FAH: variants seen among roughly 807,000 people sequenced by gnomAD.
FAH encodes fumarylacetoacetate hydrolase.
In FAH, 47 loss-of-function variants were observed where a neutral mutation model predicts 55.8. That is an observed-to-expected ratio of 0.84 (90% CI 0.67 to 1.07). The LOEUF is 1.07. Ranked by LOEUF, FAH falls within the 50% of genes least tolerant of loss-of-function variation. FAH has a pLI of 0.00. For missense variants in FAH, 495 were observed against 545.9 expected (o/e 0.91, Z 0.93); for synonymous variants, 199 against 207.7 (o/e 0.96, Z 0.36).
In FAH at chr15:80,180,123, G is replaced by A; in HGVS notation, c.961-1G>A. 2 of 1,606,388 alleles carry A rather than the reference G, an allele frequency of 1.2e-6. No homozygotes were observed. The highest frequency in any genetic ancestry group is 1.7e-6 in the Non-Finnish European group (2 of 1,177,338). On this transcript the variant is annotated splice_acceptor_variant, in intron 11 of 13. Transcript: ENST00000561421. LOFTEE classifies it high-confidence loss of function. ...TTCCACCTCGCGTCCATTGCCTGCA[G>A]TACATGTACTGGACGATGCTGCAGC...
At chr15:80,185,772 A>T (rs375294421) in intron 13 of FAH, among the ~76,000 whole-genome samples, 272 of 152,288 alleles carry the variant, frequency 1.8e-3, no homozygotes, top group African/African-American at 6.1e-3. Context: ...TGATTCAATT[A>T]TCTCCCACTG....
intron 13 of FAH, among the ~76,000 whole-genome samples, chr15:80,185,272 G>A (rs1025998866): frequency 1.3e-5 from 2 of 152,190 alleles, no homozygotes; most frequent in Non-Finnish European, 2.9e-5. Context: ...GGGACTGGAG[G>A]CTGTTCTCAG....
At position 80,167,084 on chromosome 15, in the gene FAH, C is replaced by G. The variant is rs368483000; in HGVS notation, c.456-968C>G. ...TTTTTTTTTCTAGTGCCTGTAATAG[C>G]CTTTGTTTGTACATTTAGATCTTGA... On this transcript the variant is annotated intron_variant, in intron 5 of 13. Coordinates refer to ENST00000561421, the MANE Select transcript of FAH (RefSeq NM_000137.4). 8 of 151,390 alleles carry G rather than the reference C, an allele frequency of 5.3e-5. No individual in the cohort carries two copies. In the East Asian group the frequency reaches 1.4e-3, roughly 26 times the overall value. The allele number at this position is 151,390 out of a possible 1,614,324, so 9.4% of individuals were successfully genotyped here. A position where few individuals can be genotyped will look rare whatever the true frequency, so the allele number is the denominator to read the frequency against.
intron 5 of FAH, chr15:80,167,239 C>G (rs2041199445): frequency 6.6e-6 from 1 of 152,172 alleles, no homozygotes; most frequent in African/African-American, 2.4e-5. Context: ...AATCTGCAAT[C>G]AAGGTGTCAG....
intron 13 of FAH, among the ~76,000 whole-genome samples, chr15:80,185,186 G>C (rs1363141292): frequency 6.6e-6 from 1 of 152,216 alleles, no homozygotes; most frequent in African/African-American, 2.4e-5. Flanking sequence ...GGTGAGTTCT[G>C]AAGTCAAACA....
chr15:80,171,098 TTTA>T (rs2041236635), intron 7 of FAH, among the ~76,000 whole-genome samples: 1 of 151,668 alleles, frequency 6.6e-6, no homozygotes, highest in Admixed American at 6.6e-5. Flanking sequence ...ATTTTTAAAT[TTTA>T]TTATTATTAT....
intron 7 of FAH, among the ~76,000 whole-genome samples, chr15:80,171,021 A>T (rs193179402): frequency 1.3e-5 from 2 of 152,112 alleles, no homozygotes; most frequent in African/African-American, 4.8e-5. Context: ...TATTTGCTGC[A>T]TGAAGGAGGC....
In FAH at chr15:80,154,444, T is replaced by C. The variant is rs533953972; in HGVS notation, c.81+1309T>C. Among the ~76,000 whole-genome samples the C allele has an allele frequency of 3.1e-4, 47 of 152,362 alleles. 1 individual carries two copies. The highest frequency in any genetic ancestry group is 1.1e-3 in the African/African-American group (45 of 41,592). ...GTCCCGCTGTTTCAACATCAGAATG[T>C]GCAGGGCAGCCACTACAGATGTCTG... On this transcript the variant is annotated intron_variant, in intron 1 of 13. Coordinates refer to ENST00000561421, the MANE Select transcript of FAH (RefSeq NM_000137.4).
At position 80,173,065 on chromosome 15, in the gene FAH, A is replaced by G; in HGVS notation, c.758A>G (p.Lys253Arg). The G allele has an allele frequency of 1.2e-6, 2 of 1,613,960 alleles. No homozygotes were observed. Among genetic ancestry groups the G allele is most frequent in the Non-Finnish European group, 1.7e-6 (2 of 1,179,798 alleles). Residue 253 changes from lysine to arginine, a missense_variant, in exon 9 of 14, where the codon AAG becomes AGG. Coordinates refer to ENST00000561421, the MANE Select transcript of FAH (RefSeq NM_000137.4). ...GTCCCTCTCGGGCCATTCCTTGGGA[A>G]GAGTTTTGGGACCACTGTCTCTCCG... is the stretch of plus-strand genomic sequence containing the variant. ...EYVPLGPFLG[K>R]SFGTTVSPWV...
chr15:80,180,600 C>T (rs560583567), intron 12 of FAH, among the ~76,000 whole-genome samples: 18 of 152,286 alleles, frequency 1.2e-4, no homozygotes, highest in Middle Eastern at 3.4e-3. Context: ...TGTAAGCCTG[C>T]GGGAGTCACA....
chr15:80,156,954 G>A (rs1005604634), intron 1 of FAH: 1 of 152,424 alleles, frequency 6.6e-6, no homozygotes, highest in African/African-American at 2.4e-5. Flanking sequence ...CTGGGGTGTG[G>A]GGACCAGGGT....
intron 1 of FAH, among the ~76,000 whole-genome samples, chr15:80,154,656 C>T (rs2041083043): frequency 6.6e-6 from 1 of 152,256 alleles, no homozygotes; most frequent in South Asian, 2.1e-4. Context: ...CCCATGTCAG[C>T]AGTCAGCCTT....
intron 11 of FAH, among the ~76,000 whole-genome samples, chr15:80,179,535 G>A (rs992703426): frequency 2.6e-4 from 40 of 152,268 alleles, no homozygotes; most frequent in African/African-American, 7.5e-4. Context: ...GCATCTGAGC[G>A]TCTCGGTGGG....
chr15:80,170,417 C>T (rs1327986834), intron 7 of FAH, among the ~76,000 whole-genome samples: 1 of 152,144 alleles, frequency 6.6e-6, no homozygotes, highest in Non-Finnish European at 1.5e-5. Context: ...CCCTGTCTCT[C>T]CTGGGCTTCC....
At chr15:80,174,873 C>T in intron 9 of FAH, 143 bp from the exon 10 acceptor site, 2 of 726,968 alleles carry the variant, frequency 2.8e-6, no homozygotes. Context: ...AGTGCTGGGT[C>T]CCTGGAGAGG....
At chr15:80,155,529 G>A (rs957093111) in intron 1 of FAH, among the ~76,000 whole-genome samples, 1 of 152,138 alleles carries the variant, frequency 6.6e-6, no homozygotes, top group African/African-American at 2.4e-5. Flanking sequence ...AATCTGTAAG[G>A]TCCAGCCCTA....
intron 12 of FAH, 41 bp downstream of exon 12, chr15:80,180,266 T>C (rs2142107936): frequency 6.6e-7 from 1 of 1,506,180 alleles, no homozygotes; most frequent in East Asian, 2.3e-5. Context: ...ACGCAGAGCA[T>C]CCCTGCTCCC....
At chr15:80,155,204 C>G (rs778833103) in intron 1 of FAH, among the ~76,000 whole-genome samples, 11 of 152,200 alleles carry the variant, frequency 7.2e-5, no homozygotes, top group African/African-American at 2.4e-4. Flanking sequence ...TCACCACACC[C>G]TGTGTTTCCT....
chr15:80,152,818 GA>G, upstream of FAH: 1 of 504,238 alleles, frequency 2.0e-6, no homozygotes, highest in Non-Finnish European at 3.5e-6. Flanking sequence ...GACTGTGGAG[GA>G]CCTGGAGCTG....
Sources: allele counts gnomAD v4.1 joint callset (sites outside exome capture counted in the v4.1 genomes callset), GRCh38; gene constraint gnomAD v4.1.1; transcripts MANE v1.5; gene names NCBI Gene and HGNC (gene_info 2026-07-23, HGNC 2026-07-21).